Variants in CNDP1 observed in about 807,000 individuals in gnomAD.
CNDP1 encodes the protein beta-Ala-His dipeptidase.
CNDP1 carries 44 observed loss-of-function variants against 58.1 expected under a neutral mutation model. The observed-to-expected ratio is 0.76, with a 90% CI of 0.60 to 0.97. The LOEUF (loss-of-function observed/expected upper bound fraction) is 0.97. CNDP1 is among the 50% of genes least tolerant of loss of function. The pLI is 0.00. For synonymous variants in CNDP1, 254 were observed against 252.6 expected, an observed-to-expected ratio of 1.01 and a Z score of -0.05; for missense variants, 616 against 655.1, an observed-to-expected ratio of 0.94 and a Z score of 0.65.
chr18:74,535,237 G>T (rs932460978), intron 1 of CNDP1, among the ~76,000 whole-genome samples: 2 of 152,200 alleles, frequency 1.3e-5, no homozygotes, highest in African/African-American at 4.8e-5. Context: ...GGTACCTTTG[G>T]CTGTGAGGTT....
intron 5 of CNDP1, 101 bp from the exon 6 acceptor site, chr18:74,567,132 G>A (rs889617281): frequency 2.6e-5 from 24 of 937,026 alleles, no homozygotes; most frequent in South Asian, 6.9e-5. Flanking sequence ...TCCACAACAC[G>A]TGGGAATTCT....
At chr18:74,546,928 G>A (rs537756916) in intron 1 of CNDP1, among the ~76,000 whole-genome samples, 3 of 152,336 alleles carry the variant, frequency 2.0e-5, no homozygotes, top group South Asian at 4.1e-4. Flanking sequence ...AGGTTAGGCT[G>A]GACTAGAGGA....
intron 2 of CNDP1, 123 bp from the exon 3 acceptor site, chr18:74,559,200 T>C: frequency 1.1e-6 from 1 of 870,196 alleles, no homozygotes; most frequent in East Asian, 2.4e-5. Flanking sequence ...CTGTCATAGG[T>C]CCTCAGGTCC....
intron 1 of CNDP1, among the ~76,000 whole-genome samples, chr18:74,542,198 C>T (rs1980642946): frequency 6.6e-6 from 1 of 152,214 alleles, no homozygotes; most frequent in African/African-American, 2.4e-5. Flanking sequence ...GGGGCCATCC[C>T]AGAAGCCTTG....
chr18:74,579,846 G>C (rs1258849916), intron 9 of CNDP1, among the ~76,000 whole-genome samples: 2 of 152,222 alleles, frequency 1.3e-5, no homozygotes, highest in Non-Finnish European at 2.9e-5. Flanking sequence ...GGTTGGAAGG[G>C]GGTGGGCCGG....
intron 1 of CNDP1, among the ~76,000 whole-genome samples, chr18:74,547,769 T>C (rs531435809): frequency 1.8e-4 from 28 of 152,262 alleles, no homozygotes; most frequent in African/African-American, 6.3e-4. Flanking sequence ...ACTCAGGAAG[T>C]GCCCCAGGAC....
Position 74,586,579 on chromosome 18 carries a change from A to T in CNDP1, c.*2017A>T, listed in dbSNP as rs1981919352. 6.6e-6 allele frequency: 1 copy of T among 152,236 alleles called. No individual in the cohort carries two copies. Among genetic ancestry groups the T allele is most frequent in the South Asian group, 2.1e-4 (1 of 4,832 alleles). The allele number at this position is 152,236 out of a possible 1,614,324, so 9.4% of individuals were successfully genotyped here. On this transcript the variant is annotated 3_prime_UTR_variant, in exon 12 of 12. Transcript: ENST00000358821. ...CTTCATTCCTGCTGAATCTGAGACC[A>T]GCAGTGTCTCAATTATTACGTTGCT...
At position 74,578,205 on chromosome 18, in the gene CNDP1, A is replaced by G; in HGVS notation, c.1045A>G (p.Ile349Val). Residue 349 changes from isoleucine (I) to valine (V), a missense_variant, in exon 9 of 12, where the codon ATT becomes GTT. Physicochemically the swap from Ile to Val is conservative, Grantham distance 29 (BLOSUM62 3). Transcript: ENST00000358821. ...MHLWRYPSLS[I>V]HGIEGAFDEP... The stretch of plus-strand genomic sequence containing the variant: ...CCTCTGGAGGTACCCATCTCTTTCT[A>G]TTCATGGGATCGAGGGCGCGTTTGA... 6.2e-7 allele frequency: 1 copy of G among 1,614,062 alleles called. No individual in the cohort carries two copies. Among genetic ancestry groups the G allele is most frequent in the Non-Finnish European group, 8.5e-7 (1 of 1,180,006 alleles).
intron 7 of CNDP1, among the ~76,000 whole-genome samples, chr18:74,573,291 CATCT>C (rs903499328): frequency 1.2e-4 from 18 of 151,790 alleles, no homozygotes; most frequent in South Asian, 6.3e-4. Context: ...TCCATCCATC[CATCT>C]ATCCATTCAT....
rs112672647 is a variant in CNDP1, at chr18:74,582,611, A to C, written c.1310-950A>C. The stretch of plus-strand genomic sequence containing the variant: ...TGACCTCTTGCAATCACAAGATAAC[A>C]TCAGACAAACCCAGAGTGAGGGATA... On this transcript the variant is annotated intron_variant, in intron 10 of 11. Coordinates refer to ENST00000358821, the MANE Select transcript of CNDP1 (RefSeq NM_032649.6). 6.6e-3 allele frequency among the ~76,000 whole-genome samples: 1,004 copies of C among 152,358 alleles called. 9 individuals are homozygous for C. Among genetic ancestry groups the C allele is most frequent in the African/African-American group, 0.023 (954 of 41,570 alleles).
In CNDP1 at chr18:74,556,398, T is replaced by A; in HGVS notation, c.85T>A (p.Ser29Thr). The A allele has an allele frequency of 6.2e-7, 1 of 1,614,030 alleles. No individual in the cohort carries two copies. The highest frequency in any genetic ancestry group is 8.5e-7 in the Non-Finnish European group (1 of 1,179,934). ...GGAGCGCGGCATGTTCTCCTCACCC[T>A]CCCCGCCCCCGGCGCTGTTAGAGAA... is the stretch of plus-strand genomic sequence containing the variant. ...LLERGMFSSP[S>T]PPPALLEKVF... Residue 29 changes from serine (S) to threonine (T), a missense_variant, in exon 2 of 12, where the codon TCC becomes ACC. By Grantham distance (58) the Ser-to-Thr change is moderately conservative (BLOSUM62 1). Transcript: ENST00000358821.
rs144500351 is a variant in CNDP1, at chr18:74,579,808, C to T, written c.1168-322C>T. On this transcript the variant is annotated intron_variant, in intron 9 of 11. Transcript: ENST00000358821. ...TCATCACTTTCAACAAGTGATGCTC[C>T]AGCACCTCTGTGTGTGTGAGATGCT... Among the ~76,000 whole-genome samples, 1,132 of 152,268 alleles carry T rather than the reference C, an allele frequency of 7.4e-3. 4 individuals carry two copies. Among genetic ancestry groups the T allele is most frequent in the Non-Finnish European group, 9.6e-3 (655 of 68,012 alleles).
At chr18:74,539,279 A>G (rs769022988) in intron 1 of CNDP1, among the ~76,000 whole-genome samples, 11 of 152,026 alleles carry the variant, frequency 7.2e-5, no homozygotes, top group Non-Finnish European at 1.5e-4. Context: ...TAGACTCCCA[A>G]CTTACGACGG....
rs368842224 is a variant in CNDP1 at position 74,547,088 on chromosome 18, G to A, written c.25-9250G>A. Among the ~76,000 whole-genome samples, 105 of 152,334 alleles carry A rather than the reference G, an allele frequency of 6.9e-4. No individual in the cohort carries two copies. The South Asian group carries it at 0.017, about 24-fold the overall frequency. On this transcript the variant is annotated intron_variant, in intron 1 of 11. Coordinates refer to ENST00000358821, the MANE Select transcript of CNDP1 (RefSeq NM_032649.6). ...GAGTTAATCAATCTGCAGGAGCCAC[G>A]TTGGCTCAGCTCCGTGCCTACAGGA...
At position 74,556,984 on chromosome 18, in the gene CNDP1, C is replaced by T. The variant is rs569234255; in HGVS notation, c.153+518C>T. ...AGGCTTGAGTGCAGTGGTGAGACCT[C>T]GGCTAACCTCAACTTCCCAGGTTCA... is the stretch of plus-strand genomic sequence containing the variant. On this transcript the variant is annotated intron_variant, in intron 2 of 11. Coordinates refer to ENST00000358821, the MANE Select transcript of CNDP1 (RefSeq NM_032649.6). 3.9e-5 allele frequency among the ~76,000 whole-genome samples: 6 copies of T among 152,262 alleles called. No homozygotes were observed. In the East Asian group the frequency reaches 5.8e-4, roughly 15 times the overall value.
chr18:74,556,579 T>C lies in CNDP1; in HGVS notation c.153+113T>C. 5.8e-6 allele frequency: 7 copies of C among 1,210,366 alleles called. No homozygotes were observed. The South Asian group carries it at 8.8e-5, about 15-fold the overall frequency. 75.0% of individuals were successfully genotyped at this position (1,210,366 alleles called of 1,614,324 possible). ...GTGGATTTTTTTGCCTAATTCCATT[T>C]AAAATGCCTATGACTGCTCATTGGG... On this transcript the variant is annotated intron_variant, in intron 2 of 11. Transcript: ENST00000358821.
intron 1 of CNDP1, among the ~76,000 whole-genome samples, chr18:74,553,597 G>A (rs531212794): frequency 4.6e-5 from 7 of 152,044 alleles, no homozygotes; most frequent in African/African-American, 4.8e-5. Flanking sequence ...CTGGATTTTC[G>A]GTTCTATCCA....
chr18:74,560,994 C>T lies in CNDP1; in HGVS notation c.442C>T (p.Pro148Ser). The T allele has an allele frequency of 6.2e-7, 1 of 1,613,720 alleles. No individual in the cohort carries two copies. Among genetic ancestry groups the T allele is most frequent in the African/African-American group, 1.3e-5 (1 of 75,004 alleles). Residue 148 changes from proline to serine, a missense_variant, in exon 4 of 12, where the codon CCC becomes TCC. Physicochemically the swap from Pro to Ser is moderately conservative, Grantham distance 74. Coordinates refer to ENST00000358821, the MANE Select transcript of CNDP1 (RefSeq NM_032649.6). ...ADRGDGWLTD[P>S]YVLTEVDGKL... Reference sequence around the variant, plus strand: ...CCGGGGCGATGGGTGGCTCACGGACCCCTATGTGCTGACGGAGGTAGACGG... The same window carrying T: ...CCGGGGCGATGGGTGGCTCACGGACTCCTATGTGCTGACGGAGGTAGACGG...
At chr18:74,584,462 T>A in intron 11 of CNDP1, 34 bp from the exon 12 acceptor site, 1 of 1,470,256 alleles carries the variant, frequency 6.8e-7, no homozygotes, top group East Asian at 2.3e-5. Flanking sequence ...ATGGAAATTG[T>A]AACAAAATTT....
Sources: gnomAD v4.1 joint callset for allele counts (sites outside exome capture counted in the v4.1 genomes callset) on GRCh38, gnomAD v4.1.1 for gene constraint, MANE v1.5 for transcripts, NCBI Gene and HGNC (gene_info 2026-07-23, HGNC 2026-07-21) for gene names.